ZNF208: variants seen among roughly 807,000 people sequenced by gnomAD.
ZNF208 encodes the protein zinc finger protein 95.
ZNF208 carries 10 observed loss-of-function variants against 12.1 expected under a neutral mutation model. The ratio of observed to expected loss-of-function variants is 0.83; its 90% CI spans 0.51 to 1.40. ZNF208 has a LOEUF of 1.40. Ranked by LOEUF, ZNF208 falls within the 40% of genes most tolerant of loss-of-function variation. The pLI, the probability that ZNF208 is intolerant of heterozygous loss-of-function variation, is 0.00. For missense variants in ZNF208, 1,652 were observed against 1,485.0 expected, an observed-to-expected ratio of 1.11 and a Z score of -1.85; for synonymous variants, 497 against 488.4, an observed-to-expected ratio of 1.02 and a Z score of -0.23.
At chr19:21,975,967 A>C (rs533891809) in intron 3 of ZNF208, among the ~76,000 whole-genome samples, 2 of 151,192 alleles carry the variant, frequency 1.3e-5, no homozygotes, top group South Asian at 4.2e-4. Flanking sequence ...TATGTCTTCC[A>C]TAAGAAAGAT....
chr19:21,943,323 C>CA lies in ZNF208; in HGVS notation c.306-10087dup, dbSNP rs373961561. Among the ~76,000 whole-genome samples, 1,454 of 151,940 alleles carry CA rather than the reference C, an allele frequency of 9.6e-3. 14 individuals are homozygous for CA. The highest frequency in any genetic ancestry group is 0.017 in the Middle Eastern group (5 of 294). The stretch of plus-strand genomic sequence containing the variant: ...AAAAATCCTTTAAAATGTAAATAAA[C>CA]AAAAAAATACACTGAACAACAACAA... On this transcript the variant is annotated intron_variant, in intron 4 of 4. Coordinates refer to the ZNF208 transcript ENST00000599916.
intron 2 of ZNF208, among the ~76,000 whole-genome samples, chr19:21,987,827 G>C (rs1266473563): frequency 6.6e-6 from 1 of 152,134 alleles, no homozygotes; most frequent in Non-Finnish European, 1.5e-5. Flanking sequence ...CTGAACATCT[G>C]CTTCTTAGAT....
At position 21,988,754 on chromosome 19, in the gene ZNF208, T is replaced by C. The variant is rs1414684089; in HGVS notation, c.130+29A>G. The C allele has an allele frequency of 6.2e-6, 10 of 1,613,850 alleles. No homozygotes were observed. In the South Asian group the frequency reaches 1.1e-4, roughly 18 times the overall value. On this transcript the variant is annotated intron_variant, in intron 2 of 3. Coordinates refer to ENST00000397126, the MANE Select transcript of ZNF208 (RefSeq NM_007153.3). Reference sequence around the variant, plus strand: ...GCAAAATGAAACCTGTAGTGTATACTAGGAATTGCGTATTAAAGTTATTCT... The same window carrying C: ...GCAAAATGAAACCTGTAGTGTATACCAGGAATTGCGTATTAAAGTTATTCT...
At position 21,971,930 on chromosome 19, in the gene ZNF208, T is replaced by C. The variant is rs8108957; in HGVS notation, c.3104A>G (p.Asp1035Gly). Residue 1035 changes from aspartate to glycine, a missense_variant, in exon 4 of 4, where the codon GAC becomes GGC. Coordinates refer to ENST00000397126, the MANE Select transcript of ZNF208 (RefSeq NM_007153.3). ...GCTTGAGGGCCAGCTGAAGGCTTTG[T>C]CACATTCTTCACATTTGTAGGGTGT... ...GETPYKCEEC[D>G]KAFSWPSSLT... 0.57 allele frequency: 915,043 copies of C among 1,609,186 alleles called. 263,548 individuals are homozygous for C. The highest frequency in any genetic ancestry group is 0.67 in the East Asian group (30,145 of 44,710).
intron 2 of ZNF208, among the ~76,000 whole-genome samples, chr19:21,988,451 T>G (rs901451896): frequency 6.6e-6 from 1 of 152,050 alleles, no homozygotes; most frequent in Non-Finnish European, 1.5e-5. Context: ...GGACAGTCAC[T>G]CCCTGGTGCC....
At chr19:21,999,264 CTAT>C (rs1291370938) in intron 1 of ZNF208, among the ~76,000 whole-genome samples, 4 of 152,022 alleles carry the variant, frequency 2.6e-5, no homozygotes, top group African/African-American at 9.7e-5. Flanking sequence ...AGTTGAAACA[CTAT>C]ATTTCAAAAA....
intron 4 of ZNF208, among the ~76,000 whole-genome samples, chr19:21,959,393 G>C (rs1384908749): frequency 6.6e-6 from 1 of 152,034 alleles, no homozygotes; most frequent in African/African-American, 2.4e-5. Context: ...CACAGAAAAA[G>C]AAAAATTAAC....
rs1190426464 is a variant in ZNF208 at position 21,966,843 on chromosome 19, GATA to G, written c.*4345_*4347del. The G allele has an allele frequency of 2.0e-5, 3 of 152,096 alleles. No homozygotes were observed. The highest frequency in any genetic ancestry group is 4.4e-5 in the Non-Finnish European group (3 of 67,992). 9.4% of individuals were successfully genotyped at this position (152,096 alleles called of 1,614,324 possible). A position where few individuals can be genotyped will look rare whatever the true frequency, so the allele number is the denominator to read the frequency against. On this transcript the variant is annotated 3_prime_UTR_variant, in exon 4 of 4. Coordinates refer to ENST00000397126, the MANE Select transcript of ZNF208 (RefSeq NM_007153.3). ...CTGTCACTTTGATTTACATCTTTCTGATAATTAGGAACGTTGAGCAATTTTTAC... is the reference window on the plus strand; with the variant it reads ...CTGTCACTTTGATTTACATCTTTCTGATTAGGAACGTTGAGCAATTTTTAC...
chr19:21,977,570 C>T (rs1970456754), intron 3 of ZNF208, among the ~76,000 whole-genome samples: 2 of 152,200 alleles, frequency 1.3e-5, no homozygotes, highest in Non-Finnish European at 2.9e-5. Flanking sequence ...TTCCCATGGT[C>T]TTCGCAGCCT....
At chr19:21,997,018 C>T (rs988033686) in intron 1 of ZNF208, among the ~76,000 whole-genome samples, 4 of 152,084 alleles carry the variant, frequency 2.6e-5, no homozygotes, top group East Asian at 1.9e-4. Flanking sequence ...TTAGTTGGCA[C>T]CTTATGTGTT....
chr19:21,999,668 CA>C (rs904420397), intron 1 of ZNF208, among the ~76,000 whole-genome samples: 13 of 141,712 alleles, frequency 9.2e-5, no homozygotes, highest in African/African-American at 2.1e-4. Flanking sequence ...AGACTAAAGA[CA>C]AAAAAAAAAC....
chr19:21,974,266 G>T lies in ZNF208; in HGVS notation c.768C>A (p.Ser256=). Residue 256 remains serine, a synonymous_variant, in exon 4 of 4, where the codon TCC becomes TCA. Coordinates refer to ENST00000397126, the MANE Select transcript of ZNF208 (RefSeq NM_007153.3). The stretch of plus-strand genomic sequence containing the variant: ...CCTTGCCACATTCTTCACATTTGTA[G>T]GATTTCTCTCCAGTATGAATTACCT... ...KHKVIHTGEK[S]YKCEECGKAF... 1 of 1,612,878 alleles carries T rather than the reference G, an allele frequency of 6.2e-7. No individual in the cohort carries two copies. The highest frequency in any genetic ancestry group is 8.5e-7 in the Non-Finnish European group (1 of 1,179,482).
At chr19:21,959,659 T>C (rs1456281895) in intron 4 of ZNF208, among the ~76,000 whole-genome samples, 3 of 152,190 alleles carry the variant, frequency 2.0e-5, no homozygotes, top group African/African-American at 4.8e-5. Context: ...GAAAAATATT[T>C]GTCAATTGTT....
Position 21,971,667 on chromosome 19 carries a change from T to A in ZNF208, c.3367A>T (p.Ser1123Cys), listed in dbSNP as rs878956811. The A allele has an allele frequency of 6.2e-7, 1 of 1,613,636 alleles. No homozygotes were observed. The highest frequency in any genetic ancestry group is 1.7e-5 in the Admixed American group (1 of 59,942). Residue 1123 changes from serine to cysteine, a missense_variant, in exon 4 of 4, where the codon AGT (serine) becomes TGT (cysteine). Around this residue, in one of 3 missense-constraint regions of ZNF208, gnomAD observed 1,239 missense variants for 1,086.2 expected, o/e 1.14. Transcript: ENST00000397126. ...YKCEECGKSF[S>C]TFSILTKHKV... ...TGTTTAGTAAGGATTGAGAACGTAC[T>A]AAAGCTTTTGCCACATTCTTCACAT...
intron 3 of ZNF208, among the ~76,000 whole-genome samples, chr19:21,982,312 C>T (rs1427278958): frequency 1.4e-4 from 21 of 145,744 alleles, no homozygotes; most frequent in African/African-American, 4.8e-4. Flanking sequence ...GAGCTGAGAT[C>T]GCACCACTGC....
intron 1 of ZNF208, among the ~76,000 whole-genome samples, chr19:22,004,442 G>T (rs914126110): frequency 4.6e-5 from 7 of 152,016 alleles, no homozygotes; most frequent in Admixed American, 1.3e-4. Context: ...GAACCTGGGA[G>T]GTAGAGGTTG....
chr19:21,979,545 A>G (rs1288197266), intron 3 of ZNF208, among the ~76,000 whole-genome samples: 5 of 152,342 alleles, frequency 3.3e-5, no homozygotes, highest in Admixed American at 3.3e-4. Flanking sequence ...TTTTGTCACC[A>G]CCAGGCCTGC....
In ZNF208 at chr19:21,973,590, T is replaced by C; in HGVS notation, c.1444A>G (p.Lys482Glu). Residue 482 changes from lysine (K) to glutamate (E), a missense_variant, in exon 4 of 4, where the codon AAA (lysine) becomes GAA (glutamate). Around this residue, in one of 3 missense-constraint regions of ZNF208, gnomAD observed 1,239 missense variants for 1,086.2 expected, o/e 1.14. Transcript: ENST00000397126. ...GTTGCCTTATCACATTCTTCACATT[T>C]GTAGGGTTTCTCTCCATTATGAATT... ...KVIHNGEKPY[K>E]CEECDKATHA... is the part of the protein sequence containing the mutation. The C allele has an allele frequency of 6.2e-7, 1 of 1,612,510 alleles. No individual in the cohort carries two copies.
chr19:21,948,553 G>C (rs1344634431), intron 4 of ZNF208, among the ~76,000 whole-genome samples: 1 of 152,068 alleles, frequency 6.6e-6, no homozygotes, highest in Non-Finnish European at 1.5e-5. Flanking sequence ...CCACATAATT[G>C]CTGTTGCCCC....
Sources: gnomAD v4.1 joint callset for allele counts (sites outside exome capture counted in the v4.1 genomes callset) on GRCh38, gnomAD v4.1.1 for gene constraint, gnomAD v4.1.1 regional missense constraint, MANE v1.5 for transcripts, NCBI Gene and HGNC (gene_info 2026-07-23, HGNC 2026-07-21) for gene names.